The following ANKRD11 variants were observed in gnomAD, a reference collection of about 807,000 sequenced individuals.
The protein encoded by ANKRD11 is ankyrin repeat domain 11.
ANKRD11 carries 17 observed loss-of-function variants against 195.7 expected under a neutral mutation model. That is an observed-to-expected ratio of 0.09 (90% CI 0.06 to 0.13). The LOEUF is 0.13. ANKRD11 is among the 10% of genes least tolerant of loss of function. The pLI, the probability that ANKRD11 is intolerant of heterozygous loss-of-function variation, is 1.00. For synonymous variants in ANKRD11, 1,953 were observed against 1,528.1 expected, an observed-to-expected ratio of 1.28 and a Z score of -6.49; for missense variants, 3,735 against 3,566.1, an observed-to-expected ratio of 1.05 and a Z score of -1.21.
chr16:89,486,274 T>C (rs1217077150), intron 1 of ANKRD11, among the ~76,000 whole-genome samples: 1 of 151,998 alleles, frequency 6.6e-6, no homozygotes, highest in African/African-American at 2.4e-5. Flanking sequence ...ACCCTGTTTC[T>C]ACAAAAAGTA....
At chr16:89,472,790 A>G (rs1338691397) in intron 1 of ANKRD11, among the ~76,000 whole-genome samples, 1 of 152,216 alleles carries the variant, frequency 6.6e-6, no homozygotes, top group Non-Finnish European at 1.5e-5. Flanking sequence ...ACACAACAAT[A>G]AATTATTACC....
chr16:89,391,628 CACAG>C (rs1215146447), intron 2 of ANKRD11, among the ~76,000 whole-genome samples: 1 of 152,186 alleles, frequency 6.6e-6, no homozygotes, highest in African/African-American at 2.4e-5. Context: ...AGTCAAGCTA[CACAG>C]ACAGATACAC....
intron 2 of ANKRD11, among the ~76,000 whole-genome samples, chr16:89,414,768 C>A (rs2042227839): frequency 6.6e-6 from 1 of 152,276 alleles, no homozygotes; most frequent in Non-Finnish European, 1.5e-5. Flanking sequence ...AGCCTAGAAT[C>A]CATCCAAGCT....
Position 89,463,066 on chromosome 16 carries a change from C to T in ANKRD11, c.-145+27179G>A, listed in dbSNP as rs1307382111. Among the ~76,000 whole-genome samples the T allele has an allele frequency of 9.0e-5, 13 of 143,784 alleles. No individual in the cohort carries two copies. The East Asian group carries it at 2.1e-3, about 24-fold the overall frequency. The allele number at this position is 143,784 out of a possible 152,430, so 94.3% of individuals were successfully genotyped here. The stretch of plus-strand genomic sequence containing the variant: ...AGGGAGGTGGGGGGGTCAGCCCCCC[C>T]GCCCGGCCAGCCGCCCCGCCCGGGA... On this transcript the variant is annotated intron_variant, in intron 1 of 12. Transcript: ENST00000301030.
In ANKRD11 at chr16:89,281,525, C is replaced by T; in HGVS notation, c.5017G>A (p.Gly1673Ser). The T allele has an allele frequency of 6.2e-7, 1 of 1,614,238 alleles. No homozygotes were observed. Among genetic ancestry groups the T allele is most frequent in the Non-Finnish European group, 8.5e-7 (1 of 1,180,042 alleles). Residue 1673 changes from glycine (G) to serine (S), a missense_variant, in exon 9 of 13, where the codon GGT becomes AGT. Gly to Ser is a moderately conservative substitution (Grantham distance 56). Coordinates refer to ENST00000301030, the MANE Select transcript of ANKRD11 (RefSeq NM_013275.6). The surrounding 1 kb of genome is among the most constrained non-coding windows in gnomAD (Gnocchi z 5.5). Reference protein sequence around the residue: ...AAENKLHPASGADSKDWLAGP... With the variant: ...AAENKLHPASSADSKDWLAGP... ...GCCAGCCAGTCTTTGGAGTCTGCAC[C>T]TGATGCTGGGTGTAGCTTATTTTCC...
Position 89,306,282 on chromosome 16 carries a change from G to T in ANKRD11, c.88-938C>A, listed in dbSNP as rs116109068. Among the ~76,000 whole-genome samples, 116 of 77,606 alleles carry T rather than the reference G, an allele frequency of 1.5e-3. 10 individuals are homozygous for T. The highest frequency in any genetic ancestry group is 7.1e-3 in the African/African-American group (115 of 16,248). 50.9% of individuals were successfully genotyped at this position (77,606 alleles called of 152,430 possible). A position where few individuals can be genotyped will look rare whatever the true frequency, so the allele number is the denominator to read the frequency against. On this transcript the variant is annotated intron_variant, in intron 3 of 12. Transcript: ENST00000301030. ...ACACGCGCCACTTACCTCCCCCTCC[G>T]CAGACACACGCCACCTACCTCCCCC... is the stretch of plus-strand genomic sequence containing the variant.
At chr16:89,368,386 T>TG (rs2040044209) in intron 2 of ANKRD11, among the ~76,000 whole-genome samples, 1 of 129,354 alleles carries the variant, frequency 7.7e-6, no homozygotes. Context: ...TTTTTTTTTT[T>TG]TTTTTTTTTT....
At chr16:89,385,957 A>T (rs1295741564) in intron 2 of ANKRD11, among the ~76,000 whole-genome samples, 2 of 152,226 alleles carry the variant, frequency 1.3e-5, no homozygotes, top group Non-Finnish European at 2.9e-5. Context: ...CACAGCGGAC[A>T]GCAGTCCAGA....
chr16:89,369,109 G>C (rs2040080315), intron 2 of ANKRD11, among the ~76,000 whole-genome samples: 2 of 152,056 alleles, frequency 1.3e-5, no homozygotes, highest in Non-Finnish European at 2.9e-5. Context: ...CCAAGCTCTG[G>C]CCTGACAATC....
intron 2 of ANKRD11, among the ~76,000 whole-genome samples, chr16:89,407,043 G>A (rs547804259): frequency 6.5e-4 from 99 of 152,088 alleles, no homozygotes; most frequent in African/African-American, 2.2e-3. Context: ...AAAATTAGCC[G>A]GACATGGTGG....
At chr16:89,345,868 A>C (rs113693573) in intron 2 of ANKRD11, among the ~76,000 whole-genome samples, 9 of 152,324 alleles carry the variant, frequency 5.9e-5, no homozygotes, top group African/African-American at 1.9e-4. Context: ...AGCCACTATA[A>C]TATGGCAAAA....
At chr16:89,389,889 T>C (rs564411555) in intron 2 of ANKRD11, among the ~76,000 whole-genome samples, 2 of 107,236 alleles carry the variant, frequency 1.9e-5, no homozygotes, top group South Asian at 3.6e-4. Context: ...ACACCGAGTG[T>C]GGCGGGGAGC....
At chr16:89,295,985 C>CTTTTTT (rs60214636) in intron 4 of ANKRD11, among the ~76,000 whole-genome samples, 530 of 45,116 alleles carry the variant, frequency 0.012, 185 homozygotes, top group African/African-American at 0.048. Context: ...ATCTGGCTGC[C>CTTTTTT]TTTTTTTTTT....
intron 3 of ANKRD11, among the ~76,000 whole-genome samples, chr16:89,309,105 GACGCCACCAC>G (rs1294963779): frequency 6.6e-6 from 1 of 152,146 alleles, no homozygotes; most frequent in Non-Finnish European, 1.5e-5. Context: ...ACCACCATGT[GACGCCACCAC>G]ACGCCCAACC....
chr16:89,344,647 G>A (rs1012112432), intron 2 of ANKRD11, among the ~76,000 whole-genome samples: 2 of 152,196 alleles, frequency 1.3e-5, no homozygotes, highest in Admixed American at 1.3e-4. Context: ...AAGAAAGAGG[G>A]CCAGAAATGA....
intron 2 of ANKRD11, among the ~76,000 whole-genome samples, chr16:89,350,435 T>C (rs2039155354): frequency 6.6e-6 from 1 of 152,178 alleles, no homozygotes; most frequent in South Asian, 2.1e-4. Flanking sequence ...TAACTGCTTA[T>C]TGGATGAACA....
Position 89,279,694 on chromosome 16 carries a change from T to C in ANKRD11, c.6848A>G (p.Gln2283Arg), listed in dbSNP as rs1483361765. Residue 2283 changes from glutamine to arginine, a missense_variant, in exon 9 of 13, where the codon CAG becomes CGG. Physicochemically the swap from Gln to Arg is conservative, Grantham distance 43 (BLOSUM62 1). Coordinates refer to ENST00000301030, the MANE Select transcript of ANKRD11 (RefSeq NM_013275.6). This position sits in a 1 kb window ranked among gnomAD's most constrained non-coding sequence, Gnocchi z 5.6. ...GPAPNTVAQAQAADGAGPEDD... is the reference protein window; with the variant it reads ...GPAPNTVAQARAADGAGPEDD... Reference sequence around the variant, plus strand: ...CTCGGGGCCGGCACCGTCTGCGGCCTGAGCTTGTGCCACAGTGTTCGGGGC... The same window carrying C: ...CTCGGGGCCGGCACCGTCTGCGGCCCGAGCTTGTGCCACAGTGTTCGGGGC... 2.0e-6 allele frequency: 3 copies of C among 1,502,556 alleles called. No individual in the cohort carries two copies. The highest frequency in any genetic ancestry group is 2.8e-5 in the African/African-American group (2 of 72,116). 93.1% of individuals were successfully genotyped at this position (1,502,556 alleles called of 1,614,324 possible). A position where few individuals can be genotyped will look rare whatever the true frequency, so the allele number is the denominator to read the frequency against.
chr16:89,361,475 T>C (rs1368585877), intron 2 of ANKRD11: 1 of 152,300 alleles, frequency 6.6e-6, no homozygotes, highest in East Asian at 1.9e-4. Flanking sequence ...CCAGTCCACC[T>C]GTTTATGTTC....
At chr16:89,335,291 C>G (rs2038292964) in intron 2 of ANKRD11, among the ~76,000 whole-genome samples, 1 of 152,166 alleles carries the variant, frequency 6.6e-6, no homozygotes, top group Non-Finnish European at 1.5e-5. Flanking sequence ...CACCCCCAAG[C>G]AGGGGCTGCA....
Sources: gnomAD v4.1 joint callset for allele counts (sites outside exome capture counted in the v4.1 genomes callset) on GRCh38, gnomAD v4.1.1 for gene constraint, Gnocchi (gnomAD v3.1) non-coding constraint, MANE v1.5 for transcripts, NCBI Gene and HGNC (gene_info 2026-07-23, HGNC 2026-07-21) for gene names.